CUL2: variants seen among roughly 807,000 people sequenced by gnomAD.
CUL2 encodes cullin 2.
Under a neutral mutation model 110.2 loss-of-function variants are expected in CUL2, and 22 were observed. The observed-to-expected ratio is 0.20, with a 90% CI of 0.14 to 0.28. CUL2 has a LOEUF of 0.28. Among genes scored for constraint, CUL2 ranks in the 10% least tolerant of loss-of-function variants. The pLI is 1.00. For missense variants in CUL2, 631 were observed against 905.5 expected, an observed-to-expected ratio of 0.70 and a Z score of 3.89; for synonymous variants, 279 against 293.2, an observed-to-expected ratio of 0.95 and a Z score of 0.49.
intron 2 of CUL2, among the ~76,000 whole-genome samples, chr10:35,066,334 G>A (rs1378134411): frequency 2.0e-5 from 3 of 150,698 alleles, no homozygotes; most frequent in Admixed American, 6.6e-5. Flanking sequence ...ACGGAGTTTC[G>A]CTCTTTTGCC....
chr10:35,016,106 T>C (rs2085025700), intron 18 of CUL2, 86 bp downstream of exon 18: 1 of 1,107,030 alleles, frequency 9.0e-7, no homozygotes, highest in Admixed American at 2.1e-5. Flanking sequence ...CAATAACAAT[T>C]ACAGCCTTAT....
chr10:35,054,158 CAACACTTTAT>C (rs2086184612), intron 5 of CUL2, among the ~76,000 whole-genome samples: 1 of 152,132 alleles, frequency 6.6e-6, no homozygotes, highest in Non-Finnish European at 1.5e-5. Context: ...ACAGGGCCGT[CAACACTTTAT>C]AATTGTTTCT....
chr10:35,068,128 G>C (rs865855282), intron 2 of CUL2, among the ~76,000 whole-genome samples: 3 of 141,576 alleles, frequency 2.1e-5, no homozygotes, highest in Admixed American at 1.4e-4. Flanking sequence ...AAAAAAAAAC[G>C]AACCACAAAA....
chr10:35,029,063 G>GTTT (rs35011745), intron 15 of CUL2, among the ~76,000 whole-genome samples, 176 bp from the exon 16 acceptor site: 1 of 142,044 alleles, frequency 7.0e-6, no homozygotes. Context: ...ACCTTTTTTT[G>GTTT]TTTTTTTTTT....
intron 1 of CUL2, among the ~76,000 whole-genome samples, chr10:35,119,521 C>T (rs964413200): frequency 6.6e-6 from 1 of 151,794 alleles, no homozygotes. Context: ...GTACTCATAT[C>T]TAGGTATACT....
intron 1 of CUL2, among the ~76,000 whole-genome samples, chr10:35,124,486 AATGGGTGGTG>A: frequency 6.6e-6 from 1 of 152,122 alleles, no homozygotes; most frequent in Admixed American, 6.6e-5. Flanking sequence ...ATAACAAACA[AATGGGTGGTG>A]AAGAAGTGAA....
intron 8 of CUL2, among the ~76,000 whole-genome samples, chr10:35,041,272 A>G (rs2085779170): frequency 6.6e-6 from 1 of 152,192 alleles, no homozygotes. Context: ...AGGAGGATGG[A>G]AGAAGGAAAA....
chr10:35,051,151 TA>T lies in CUL2; in HGVS notation c.424-1387del, dbSNP rs1392768848. Among the ~76,000 whole-genome samples the T allele has an allele frequency of 6.0e-5, 9 of 150,404 alleles. No homozygotes were observed. The South Asian group carries it at 6.3e-4, about 10-fold the overall frequency. On this transcript the variant is annotated intron_variant, in intron 5 of 20. Coordinates refer to ENST00000374749, the MANE Select transcript of CUL2 (RefSeq NM_003591.4). ...TAACAGGGTGAAACCCCATCTCTAC[TA>T]AAAATACAAAAAATTAGCGGGGCGT...
chr10:35,103,314 T>TA (rs1256609644), intron 1 of CUL2, among the ~76,000 whole-genome samples: 11 of 105,136 alleles, frequency 1.0e-4, no homozygotes, highest in African/African-American at 1.7e-4. Context: ...GCTAATTTTT[T>TA]TTTTTTTTTT....
At chr10:35,064,263 C>G (rs1368413810) in intron 2 of CUL2, 2 of 152,128 alleles carry the variant, frequency 1.3e-5, no homozygotes, top group Admixed American at 1.3e-4. Flanking sequence ...GATGCAGATA[C>G]AAACTGGAAA....
chr10:35,072,141 A>G (rs1275742582), intron 1 of CUL2, among the ~76,000 whole-genome samples: 1 of 152,166 alleles, frequency 6.6e-6, no homozygotes, highest in Non-Finnish European at 1.5e-5. Flanking sequence ...CATCAGTATA[A>G]GATTAGGGAA....
At position 35,097,509 on chromosome 10, in the gene CUL2, A is replaced by AG. The variant is rs1201572190; in HGVS notation, c.167+3334_167+3335insC. On this transcript the variant is annotated intron_variant, in intron 2 of 5. Coordinates refer to the CUL2 transcript ENST00000685421. ...CCTGTCTCAAAAAAAAAAAAAAAAA[A>AG]AGAACTTACAGTGGTGCAATCTGAC... 3.6e-4 allele frequency among the ~76,000 whole-genome samples: 54 copies of AG among 151,708 alleles called. 1 individual carries two copies. Among genetic ancestry groups the AG allele is most frequent in the African/African-American group, 1.1e-3 (44 of 41,428 alleles).
At chr10:35,053,362 C>T (rs2086161071) in intron 5 of CUL2, among the ~76,000 whole-genome samples, 1 of 152,030 alleles carries the variant, frequency 6.6e-6, no homozygotes, top group Admixed American at 6.6e-5. Context: ...AATTTTGTGT[C>T]CAAATTTTTT....
chr10:35,079,560 C>T (rs1477746055), intron 1 of CUL2: 2 of 152,668 alleles, frequency 1.3e-5, no homozygotes, highest in East Asian at 1.9e-4. Flanking sequence ...GCACTTATTA[C>T]ACGATATAAC....
Position 35,065,833 on chromosome 10 carries a change from T to TG in CUL2, c.120-2772dup, listed in dbSNP as rs1369888588. On this transcript the variant is annotated intron_variant, in intron 2 of 20. Transcript: ENST00000374749. ...GAGATCACACCACTGCATTCCAGCC[T>TG]GGCAACAGAGCGAGACACCATCTCA... Among the ~76,000 whole-genome samples the TG allele has an allele frequency of 3.3e-5, 5 of 151,722 alleles. No homozygotes were observed. In the East Asian group the frequency reaches 9.7e-4, roughly 29 times the overall value.
intron 4 of CUL2, among the ~76,000 whole-genome samples, chr10:35,056,601 T>C (rs1380287049): frequency 6.6e-6 from 1 of 152,070 alleles, no homozygotes; most frequent in Non-Finnish European, 1.5e-5. Context: ...CAGGTCAACA[T>C]GAGGCACTGG....
At chr10:35,105,266 A>G (rs1182269675) in intron 1 of CUL2, among the ~76,000 whole-genome samples, 1 of 151,644 alleles carries the variant, frequency 6.6e-6, no homozygotes, top group Non-Finnish European at 1.5e-5. Flanking sequence ...TCTACCAAAA[A>G]TAGAAAAAAA....
At chr10:35,061,559 C>A (rs115185022) in intron 3 of CUL2, among the ~76,000 whole-genome samples, 2,090 of 151,946 alleles carry the variant, frequency 0.014, 49 homozygotes, top group African/African-American at 0.047. Flanking sequence ...ATGGTGTTAA[C>A]CAAAGCTCAC....
intron 20 of CUL2, among the ~76,000 whole-genome samples, chr10:35,011,372 C>T (rs547093269): frequency 6.6e-6 from 1 of 152,104 alleles, no homozygotes; most frequent in African/African-American, 2.4e-5. Flanking sequence ...AACCCCAGCA[C>T]TTTTGGAGGC....
Sources: allele counts gnomAD v4.1 joint callset (sites outside exome capture counted in the v4.1 genomes callset), GRCh38; gene constraint gnomAD v4.1.1; transcripts MANE v1.5; gene names NCBI Gene and HGNC (gene_info 2026-07-23, HGNC 2026-07-21).